Variants in LRRN2 observed in about 807,000 individuals in gnomAD.
LRRN2 encodes leucine-rich repeat neuronal protein 2.
A neutral mutation model predicts 35.7 loss-of-function variants in LRRN2; 10 were observed. That is an observed-to-expected ratio of 0.28 (90% CI 0.17 to 0.47). The LOEUF is 0.47. Among genes scored for constraint, LRRN2 ranks in the 20% least tolerant of loss-of-function variants. LRRN2 has a pLI of 0.99. For synonymous variants in LRRN2, 391 were observed against 409.6 expected, an observed-to-expected ratio of 0.95 and a Z score of 0.55; for missense variants, 731 against 940.3, an observed-to-expected ratio of 0.78 and a Z score of 2.91.
chr1:204,654,439 T>C (rs1328964944), intron 1 of LRRN2, among the ~76,000 whole-genome samples: 2 of 152,196 alleles, frequency 1.3e-5, no homozygotes, highest in Non-Finnish European at 2.9e-5. Flanking sequence ...TAGGCCTTAG[T>C]TTTTTCATCT....
intron 1 of LRRN2, among the ~76,000 whole-genome samples, chr1:204,633,997 C>T (rs890272368): frequency 6.6e-6 from 1 of 152,196 alleles, no homozygotes; most frequent in Non-Finnish European, 1.5e-5. Context: ...CCAGAGCCCC[C>T]AAGCCTGTGG....
intron 1 of LRRN2, among the ~76,000 whole-genome samples, chr1:204,624,903 A>G (rs1034121194): frequency 4.0e-5 from 6 of 151,896 alleles, no homozygotes; most frequent in Non-Finnish European, 8.8e-5. Context: ...GCGTTGATAA[A>G]CTCCGGCCTC....
At chr1:204,638,200 C>T (rs895591076) in intron 1 of LRRN2, among the ~76,000 whole-genome samples, 15 of 150,276 alleles carry the variant, frequency 1.0e-4, no homozygotes, top group Admixed American at 2.7e-4. Flanking sequence ...CACTACTGTT[C>T]GCAGAGCCAG....
chr1:204,627,470 G>C (rs1357285182), intron 1 of LRRN2: 1 of 152,364 alleles, frequency 6.6e-6, no homozygotes, highest in Admixed American at 6.5e-5. Context: ...CCTGGGAGGG[G>C]AGGGACTGTC....
chr1:204,666,748 G>A (rs1336205319), intron 1 of LRRN2, among the ~76,000 whole-genome samples: 2 of 152,094 alleles, frequency 1.3e-5, no homozygotes, highest in African/African-American at 2.4e-5. Context: ...ATCACTTTAG[G>A]TCAGGAATTT....
intron 1 of LRRN2, among the ~76,000 whole-genome samples, chr1:204,668,496 G>A (rs1297971013): frequency 6.6e-6 from 1 of 152,206 alleles, no homozygotes; most frequent in Non-Finnish European, 1.5e-5. Context: ...TTGGGAGGCT[G>A]AGCTAGGAGA....
intron 1 of LRRN2, among the ~76,000 whole-genome samples, chr1:204,681,418 TGTA>T (rs1475017204): frequency 1.3e-5 from 2 of 152,222 alleles, no homozygotes; most frequent in South Asian, 2.1e-4. Flanking sequence ...TATCACCTCA[TGTA>T]GTCCTCATGA....
intron 1 of LRRN2, chr1:204,629,012 C>T (rs1667592799): frequency 6.6e-6 from 1 of 152,398 alleles, no homozygotes; most frequent in African/African-American, 2.4e-5. Context: ...GACCCATGAG[C>T]TTCTCCACCT....
At chr1:204,620,376 C>G (rs570645771) in intron 1 of LRRN2, 158 bp from the exon 2 acceptor site, 2 of 282,928 alleles carry the variant, frequency 7.1e-6, no homozygotes, top group East Asian at 2.3e-4. Context: ...TGGATTCAAG[C>G]GATTCTCCTG....
chr1:204,660,526 T>C (rs528127521), intron 1 of LRRN2, among the ~76,000 whole-genome samples: 2 of 151,996 alleles, frequency 1.3e-5, no homozygotes, highest in African/African-American at 4.8e-5. Flanking sequence ...TGTCCTCTAC[T>C]TTCTCCCTTC....
chr1:204,636,238 G>A (rs1012139655), intron 1 of LRRN2, among the ~76,000 whole-genome samples: 3 of 152,164 alleles, frequency 2.0e-5, no homozygotes, highest in South Asian at 2.1e-4. Context: ...TGAAACAGAC[G>A]CGGCTTCTGT....
chr1:204,672,862 A>C (rs1256777073), intron 1 of LRRN2, among the ~76,000 whole-genome samples: 7 of 152,198 alleles, frequency 4.6e-5, no homozygotes, highest in Non-Finnish European at 8.8e-5. Flanking sequence ...AGTTCCATCA[A>C]TCATCCGCTT....
chr1:204,661,988 G>A (rs188931457), intron 1 of LRRN2, among the ~76,000 whole-genome samples: 6 of 152,288 alleles, frequency 3.9e-5, no homozygotes, highest in Admixed American at 2.0e-4. Flanking sequence ...GCACAGGAAG[G>A]GTAGCCACTG....
chr1:204,618,467 G>A lies in LRRN2; in HGVS notation c.1526C>T (p.Thr509Met), dbSNP rs1434466332. Residue 509 changes from threonine to methionine, a missense_variant, in exon 2 of 2, where the codon ACG (threonine) becomes ATG (methionine). Transcript: ENST00000367177. ...AQNLVGADTK[T>M]VSVVVGRALL... is the part of the protein sequence containing the mutation. ...AGCACGGCCCACAACCACACTAACCGTCTTAGTGTCAGCCCCCACCAGGTT... is the reference window on the plus strand; with the variant it reads ...AGCACGGCCCACAACCACACTAACCATCTTAGTGTCAGCCCCCACCAGGTT... 1.1e-5 allele frequency: 17 copies of A among 1,614,080 alleles called. No individual in the cohort carries two copies. Among genetic ancestry groups the A allele is most frequent in the South Asian group, 1.1e-5 (1 of 91,090 alleles).
In LRRN2 at chr1:204,617,770, C is replaced by G. The variant is rs1458995065; in HGVS notation, c.*81G>C. 6.7e-7 allele frequency: 1 copy of G among 1,494,508 alleles called. No individual in the cohort carries two copies. Among genetic ancestry groups the G allele is most frequent in the African/African-American group, 1.4e-5 (1 of 72,482 alleles). The allele number at this position is 1,494,508 out of a possible 1,614,324, so 92.6% of individuals were successfully genotyped here. On this transcript the variant is annotated 3_prime_UTR_variant, in exon 2 of 2. Transcript: ENST00000367177. ...ACGTGGGTCCATGTCCCTTTCCTGG[C>G]AGGGCATCTGGCCCAGACTGCTTCT...
chr1:204,676,220 A>G (rs888195402), intron 1 of LRRN2, among the ~76,000 whole-genome samples: 2 of 152,062 alleles, frequency 1.3e-5, no homozygotes, highest in East Asian at 3.8e-4. Flanking sequence ...TGCCAATCTA[A>G]CAGTCATAAA....
chr1:204,660,648 G>A (rs1243203272), intron 1 of LRRN2, among the ~76,000 whole-genome samples: 1 of 152,020 alleles, frequency 6.6e-6, no homozygotes, highest in African/African-American at 2.4e-5. Context: ...CTGGCTGTGC[G>A]TGTGAAGGAG....
intron 1 of LRRN2, chr1:204,633,010 A>G (rs1031211874): frequency 6.6e-6 from 1 of 152,084 alleles, no homozygotes; most frequent in African/African-American, 2.4e-5. Context: ...AAATCCATGT[A>G]TTGGAAACTT....
At chr1:204,634,939 G>A (rs78339643) in intron 1 of LRRN2, among the ~76,000 whole-genome samples, 215 of 152,236 alleles carry the variant, frequency 1.4e-3, no homozygotes, top group Non-Finnish European at 2.6e-3. Flanking sequence ...TTACAGAGAC[G>A]TACAGCTCAA....
Sources: allele counts gnomAD v4.1 joint callset (sites outside exome capture counted in the v4.1 genomes callset), GRCh38; gene constraint gnomAD v4.1.1; transcripts MANE v1.5; gene names NCBI Gene and HGNC (gene_info 2026-07-23, HGNC 2026-07-21).